The following ZNF644 variants were observed in gnomAD, a reference collection of about 807,000 sequenced individuals.
The protein encoded by ZNF644 is zinc finger protein 644.
ZNF644 carries 20 observed loss-of-function variants against 108.0 expected under a neutral mutation model. That is an observed-to-expected ratio of 0.19 (90% CI 0.13 to 0.27). The LOEUF (loss-of-function observed/expected upper bound fraction) is 0.27, where lower values mean the gene tolerates loss of function less well. Among genes scored for constraint, ZNF644 ranks in the 10% least tolerant of loss-of-function variants. The pLI, the probability that ZNF644 is intolerant of heterozygous loss-of-function variation, is 1.00. For missense variants in ZNF644, 1,338 were observed against 1,548.9 expected (o/e 0.86, Z 2.29); for synonymous variants, 542 against 539.1 (o/e 1.01, Z -0.08).
At chr1:90,957,797 A>T (rs2146295) in intron 2 of ZNF644, among the ~76,000 whole-genome samples, 16,907 of 152,174 alleles carry the variant, frequency 0.11, 1,022 homozygotes, top group South Asian at 0.16. Context: ...AAAAATAAAT[A>T]AAAGGCATCC....
intron 4 of ZNF644, among the ~76,000 whole-genome samples, chr1:90,924,917 G>A (rs1649854271): frequency 6.6e-6 from 1 of 152,030 alleles, no homozygotes; most frequent in Non-Finnish European, 1.5e-5. Flanking sequence ...CTACCAATAA[G>A]CCATCCTTTT....
Position 90,995,339 on chromosome 1 carries a change from T to C in ZNF644, c.-17-12969A>G, listed in dbSNP as rs192348664. On this transcript the variant is annotated intron_variant, in intron 1 of 5. Transcript: ENST00000337393. ...AAGACAGGGAAATAAAACTGTCTAA[T>C]CCAAAGAACAGAAAGTAAAATAACT... Among the ~76,000 whole-genome samples the C allele has an allele frequency of 1.3e-3, 192 of 152,078 alleles. 1 individual carries two copies. Among genetic ancestry groups the C allele is most frequent in the African/African-American group, 3.5e-3 (144 of 41,494 alleles).
intron 1 of ZNF644, among the ~76,000 whole-genome samples, chr1:90,998,423 C>A (rs1274525488): frequency 6.6e-6 from 1 of 152,186 alleles, no homozygotes; most frequent in Admixed American, 6.5e-5. Context: ...CTGCTGATAC[C>A]CAGGCAAACA....
At chr1:90,929,309 T>C (rs1650440319) in intron 4 of ZNF644, among the ~76,000 whole-genome samples, 1 of 152,214 alleles carries the variant, frequency 6.6e-6, no homozygotes, top group Non-Finnish European at 1.5e-5. Context: ...TTTTCAATTT[T>C]TGATAGTTTT....
chr1:90,983,824 G>A (rs1040039204), intron 1 of ZNF644, among the ~76,000 whole-genome samples: 4 of 152,202 alleles, frequency 2.6e-5, no homozygotes, highest in African/African-American at 7.2e-5. Flanking sequence ...CTACTCAGGA[G>A]GCTGAGGCAG....
At chr1:90,950,308 A>AGGGGAGGG (rs1557588325) in intron 2 of ZNF644, among the ~76,000 whole-genome samples, 170 of 78,708 alleles carry the variant, frequency 2.2e-3, no homozygotes, top group Non-Finnish European at 2.9e-3. Flanking sequence ...AGGGGAGGGG[A>AGGGGAGGG]CAAAAGAAAA....
At chr1:91,015,821 C>T (rs1253254279) in intron 1 of ZNF644, among the ~76,000 whole-genome samples, 1 of 152,146 alleles carries the variant, frequency 6.6e-6, no homozygotes, top group Non-Finnish European at 1.5e-5. Context: ...GTGAAAATCT[C>T]AAGTTAATGT....
At chr1:90,980,562 A>C (rs146722354) in intron 2 of ZNF644, among the ~76,000 whole-genome samples, 6 of 152,324 alleles carry the variant, frequency 3.9e-5, no homozygotes, top group African/African-American at 1.4e-4. Flanking sequence ...AGAATCCAAT[A>C]AACCAAATCA....
At chr1:90,925,327 C>T (rs560471614) in intron 4 of ZNF644, among the ~76,000 whole-genome samples, 6 of 152,280 alleles carry the variant, frequency 3.9e-5, no homozygotes, top group East Asian at 1.9e-4. Flanking sequence ...CGATAGCTTA[C>T]GTTATCTTAA....
intron 4 of ZNF644, among the ~76,000 whole-genome samples, chr1:90,937,210 T>C (rs1232580938): frequency 6.6e-6 from 1 of 152,128 alleles, no homozygotes; most frequent in Non-Finnish European, 1.5e-5. Flanking sequence ...TTTTGTTTGT[T>C]GTTTTTATTG....
chr1:91,004,036 T>C (rs1043466979), intron 1 of ZNF644, among the ~76,000 whole-genome samples: 1 of 151,920 alleles, frequency 6.6e-6, no homozygotes. Context: ...AAAAACCAAT[T>C]TTAAAAATCC....
At chr1:91,008,914 G>A (rs1043348143) in intron 1 of ZNF644, among the ~76,000 whole-genome samples, 5 of 152,146 alleles carry the variant, frequency 3.3e-5, no homozygotes, top group Admixed American at 2.6e-4. Flanking sequence ...ACCCAAAGCT[G>A]GAAAGGACTT....
At chr1:90,992,188 A>C (rs1057308299) in intron 1 of ZNF644, among the ~76,000 whole-genome samples, 9 of 152,180 alleles carry the variant, frequency 5.9e-5, no homozygotes, top group Admixed American at 2.0e-4. Context: ...TTTGAAACTA[A>C]AGGGTATGTT....
At chr1:90,971,435 T>G (rs1228803289) in intron 2 of ZNF644, among the ~76,000 whole-genome samples, 1 of 151,918 alleles carries the variant, frequency 6.6e-6, no homozygotes, top group African/African-American at 2.4e-5. Context: ...TTTTTTTTGG[T>G]GGGGGGACAG....
At chr1:90,993,831 T>C (rs1047556292) in intron 1 of ZNF644, among the ~76,000 whole-genome samples, 3 of 152,202 alleles carry the variant, frequency 2.0e-5, no homozygotes, top group Non-Finnish European at 2.9e-5. Context: ...GATCCAGCAA[T>C]ACAAGGAAAT....
intron 4 of ZNF644, among the ~76,000 whole-genome samples, chr1:90,930,922 ACT>A (rs1230066280): frequency 6.6e-6 from 1 of 152,036 alleles, no homozygotes; most frequent in Non-Finnish European, 1.5e-5. Flanking sequence ...GTTGAAATTC[ACT>A]CTTATTTTGA....
intron 4 of ZNF644, among the ~76,000 whole-genome samples, chr1:90,923,998 C>T (rs1007635009): frequency 6.6e-6 from 1 of 152,076 alleles, no homozygotes; most frequent in South Asian, 2.1e-4. Flanking sequence ...TAGAAGACTC[C>T]ACTATTTCAA....
chr1:90,938,592 T>C lies in ZNF644; in HGVS notation c.2762A>G (p.Tyr921Cys), dbSNP rs546495531. ...AAAGTTGTTACTTCCAGTATCTTCA[T>C]AGTATTCAAAATAAAAGCCATCGTT... Reference protein sequence around the residue: ...DQNDGFYFEYYEDTGSNNFLH... With the variant: ...DQNDGFYFEYCEDTGSNNFLH... The change falls in exon 3 of 6, where the codon TAT becomes TGT. Residue 921 changes from tyrosine (Y) to cysteine (C), a missense_variant. Physicochemically the swap from Tyr to Cys is radical, Grantham distance 194. Coordinates refer to ENST00000337393, the MANE Select transcript of ZNF644 (RefSeq NM_201269.3). This position sits in a 1 kb window ranked among gnomAD's most constrained non-coding sequence, Gnocchi z 4.2. 1.6e-5 allele frequency: 26 copies of C among 1,613,256 alleles called. No homozygotes were observed. Among genetic ancestry groups the C allele is most frequent in the East Asian group, 2.2e-5 (1 of 44,880 alleles).
chr1:90,948,018 T>C (rs908772145), intron 2 of ZNF644, among the ~76,000 whole-genome samples: 3 of 152,042 alleles, frequency 2.0e-5, no homozygotes, highest in Non-Finnish European at 2.9e-5. Flanking sequence ...ATAGAGACAA[T>C]TATACGTAAA....
Sources: allele counts gnomAD v4.1 joint callset (sites outside exome capture counted in the v4.1 genomes callset), GRCh38; gene constraint gnomAD v4.1.1; non-coding constraint Gnocchi (gnomAD v3.1); transcripts MANE v1.5; gene names NCBI Gene and HGNC (gene_info 2026-07-23, HGNC 2026-07-21).